The following B4GALT1 variants were observed in gnomAD, a reference collection of about 807,000 sequenced individuals.
B4GALT1 encodes beta-1,4-galactosyltransferase 1, also known as N-acetyllactosamine synthase.
Under a neutral mutation model 34.9 loss-of-function variants are expected in B4GALT1, and 16 were observed. The ratio of observed to expected loss-of-function variants is 0.46; its 90% CI spans 0.31 to 0.70. The LOEUF (loss-of-function observed/expected upper bound fraction) is 0.70, where lower values mean the gene tolerates loss of function less well. Among genes scored for constraint, B4GALT1 ranks in the 30% least tolerant of loss-of-function variants. The pLI is 0.05. For missense variants in B4GALT1, 445 were observed against 530.5 expected, an observed-to-expected ratio of 0.84 and a Z score of 1.58; for synonymous variants, 221 against 218.1, an observed-to-expected ratio of 1.01 and a Z score of -0.12.
the B4GALT1 span, chr9:33,179,680 A>G: frequency 6.6e-6 from 1 of 152,266 alleles, no homozygotes; most frequent in Admixed American, 6.5e-5. Flanking sequence ...GGCTAGCAAC[A>G]TATGAAGACC....
chr9:33,149,644 C>T (rs533844800), intron 1 of B4GALT1, among the ~76,000 whole-genome samples: 1 of 152,228 alleles, frequency 6.6e-6, no homozygotes, highest in South Asian at 2.1e-4. Flanking sequence ...CCAAATGCCA[C>T]TACAATGAAA....
At position 33,112,271 on chromosome 9, in the gene B4GALT1, A is replaced by C. The variant is rs944487572; in HGVS notation, c.*1183T>G. The C allele has an allele frequency of 4.6e-5, 7 of 152,236 alleles. No individual in the cohort carries two copies. The highest frequency in any genetic ancestry group is 4.6e-4 in the Admixed American group (7 of 15,282). The allele number at this position is 152,236 out of a possible 1,614,324, so 9.4% of individuals were successfully genotyped here. On this transcript the variant is annotated 3_prime_UTR_variant, in exon 6 of 6. Transcript: ENST00000379731. Reference sequence around the variant, plus strand: ...TGACTGCTGTTATTTACAACCCCCCAGCCTAGGGGCCTGAGGGGTCAGTCT... The same window carrying C: ...TGACTGCTGTTATTTACAACCCCCCCGCCTAGGGGCCTGAGGGGTCAGTCT...
upstream of B4GALT1, among the ~76,000 whole-genome samples, chr9:33,172,022 G>T (rs915103580): frequency 6.6e-6 from 1 of 152,212 alleles, no homozygotes; most frequent in African/African-American, 2.4e-5. Flanking sequence ...CAGGTCCAAA[G>T]TATTGTCTAA....
chr9:33,152,782 G>A (rs1407948364), intron 1 of B4GALT1, among the ~76,000 whole-genome samples: 2 of 152,110 alleles, frequency 1.3e-5, no homozygotes, highest in African/African-American at 4.8e-5. Flanking sequence ...GCTAAGGTGT[G>A]AGAATCACTT....
intron 1 of B4GALT1, among the ~76,000 whole-genome samples, chr9:33,140,434 G>A (rs1416223974): frequency 6.6e-6 from 1 of 152,064 alleles, no homozygotes; most frequent in Non-Finnish European, 1.5e-5. Context: ...ATATTAAAAT[G>A]TCCTTTCTCT....
intron 2 of B4GALT1, 41 bp downstream of exon 2, chr9:33,135,148 T>C (rs539861646): frequency 6.4e-7 from 1 of 1,562,590 alleles, no homozygotes; most frequent in African/African-American, 1.4e-5. Flanking sequence ...CACATCTGCA[T>C]GCACACACAC....
At chr9:33,114,888 T>G (rs1316679972) in intron 4 of B4GALT1, among the ~76,000 whole-genome samples, 1 of 152,254 alleles carries the variant, frequency 6.6e-6, no homozygotes, top group East Asian at 1.9e-4. Context: ...AGCATGGGAC[T>G]AGATGCCTGC....
At chr9:33,149,271 T>G in intron 1 of B4GALT1, among the ~76,000 whole-genome samples, 1 of 151,768 alleles carries the variant, frequency 6.6e-6, no homozygotes, top group East Asian at 1.9e-4. Flanking sequence ...ACTTAAAAAA[T>G]TTTTTTATTT....
chr9:33,110,570 G>C (rs1030050720), downstream of B4GALT1: 1 of 152,172 alleles, frequency 6.6e-6, no homozygotes, highest in African/African-American at 2.4e-5. Flanking sequence ...ACAGACCAGG[G>C]AATGACCCTG....
chr9:33,172,812 C>CT, the B4GALT1 span, among the ~76,000 whole-genome samples: 37 of 147,668 alleles, frequency 2.5e-4, no homozygotes, highest in African/African-American at 7.0e-4. Context: ...TACCTCATTC[C>CT]TTTTTTTTTT....
chr9:33,159,376 T>A (rs527585976), intron 1 of B4GALT1, among the ~76,000 whole-genome samples: 1 of 152,328 alleles, frequency 6.6e-6, no homozygotes, highest in East Asian at 1.9e-4. Flanking sequence ...TCACACTGTA[T>A]CCGTCACACT....
chr9:33,142,479 A>T (rs1182690084), intron 1 of B4GALT1, among the ~76,000 whole-genome samples: 1 of 152,234 alleles, frequency 6.6e-6, no homozygotes, highest in African/African-American at 2.4e-5. Context: ...AAACAGGAAT[A>T]GTCTATTCTT....
At chr9:33,131,415 T>C (rs761579360) in intron 2 of B4GALT1, among the ~76,000 whole-genome samples, 1 of 152,148 alleles carries the variant, frequency 6.6e-6, no homozygotes. Flanking sequence ...CTACTTCAAG[T>C]AGAATGAAAC....
chr9:33,132,815 T>C (rs1840213040), intron 2 of B4GALT1, among the ~76,000 whole-genome samples: 2 of 152,198 alleles, frequency 1.3e-5, no homozygotes, highest in Admixed American at 6.5e-5. Flanking sequence ...CCAGTCTTCC[T>C]TGAAAACAGC....
upstream of B4GALT1, among the ~76,000 whole-genome samples, chr9:33,168,529 G>A (rs1840805995): frequency 6.6e-6 from 1 of 152,238 alleles, no homozygotes; most frequent in Non-Finnish European, 1.5e-5. Context: ...GTGTTACGGT[G>A]TCCATTTCAC....
At chr9:33,159,136 T>G (rs1416112719) in intron 1 of B4GALT1, among the ~76,000 whole-genome samples, 1 of 152,222 alleles carries the variant, frequency 6.6e-6, no homozygotes, top group Non-Finnish European at 1.5e-5. Context: ...TTTTTGTTGT[T>G]GATTTTTTTC....
chr9:33,168,299 G>T (rs1840802585), upstream of B4GALT1, among the ~76,000 whole-genome samples: 1 of 152,238 alleles, frequency 6.6e-6, no homozygotes, highest in Admixed American at 6.5e-5. Context: ...GTGTGGGTGA[G>T]AGACTTAGGC....
intron 2 of B4GALT1, among the ~76,000 whole-genome samples, chr9:33,130,475 G>A (rs1158022376): frequency 2.9e-5 from 4 of 139,518 alleles, no homozygotes; most frequent in African/African-American, 1.1e-4. Context: ...AGGGGTGGGA[G>A]GAGAGACCTT....
chr9:33,134,194 C>T (rs1008305079), intron 2 of B4GALT1, among the ~76,000 whole-genome samples: 1 of 152,198 alleles, frequency 6.6e-6, no homozygotes, highest in African/African-American at 2.4e-5. Context: ...TCGAGTGCTT[C>T]CCCTGGGGTC....
Sources: allele counts gnomAD v4.1 joint callset (sites outside exome capture counted in the v4.1 genomes callset), GRCh38; gene constraint gnomAD v4.1.1; transcripts MANE v1.5; gene names NCBI Gene and HGNC (gene_info 2026-07-23, HGNC 2026-07-21).